The following SAMD8 variants were observed in gnomAD, a reference collection of about 807,000 sequenced individuals.
SAMD8 encodes sterile alpha motif domain containing 8.
In SAMD8, 20 loss-of-function variants were observed where a neutral mutation model predicts 42.0. The observed-to-expected ratio is 0.48, with a 90% CI of 0.34 to 0.69. SAMD8 has a LOEUF of 0.69. Ranked by LOEUF, SAMD8 falls within the 30% of genes least tolerant of loss-of-function variation. The probability of loss-of-function intolerance (pLI) is 0.01; values close to 1 mark genes in which losing one functional copy is unlikely to be tolerated. For synonymous variants in SAMD8, 162 were observed against 173.0 expected (o/e 0.94, Z 0.50); for missense variants, 328 against 511.6 (o/e 0.64, Z 3.46).
At chr10:75,118,007 G>T (rs1180555513) in intron 1 of SAMD8, among the ~76,000 whole-genome samples, 1 of 151,722 alleles carries the variant, frequency 6.6e-6, no homozygotes, top group Admixed American at 6.6e-5. Flanking sequence ...CCTGATAGTA[G>T]AAGTTAGTTT....
intron 1 of SAMD8, among the ~76,000 whole-genome samples, chr10:75,102,615 C>T (rs544417696): frequency 6.6e-6 from 1 of 151,558 alleles, no homozygotes; most frequent in African/African-American, 2.4e-5. Context: ...CAAGACCAGT[C>T]TAGGCAATAT....
rs1327582446 is a variant in SAMD8, at chr10:75,177,348, A to G, written c.*656A>G. 1 of 152,210 alleles carries G rather than the reference A, an allele frequency of 6.6e-6. No homozygotes were observed. Among genetic ancestry groups the G allele is most frequent in the African/African-American group, 2.4e-5 (1 of 41,450 alleles). 9.4% of individuals were successfully genotyped at this position (152,210 alleles called of 1,614,324 possible). On this transcript the variant is annotated 3_prime_UTR_variant, in exon 6 of 6. Transcript: ENST00000542569. ...ATTAATGCAAATGTAGGGCTGGCAT[A>G]TTTCACCAAAGATGCAACAAAAGAT... is the stretch of plus-strand genomic sequence containing the variant.
intron 1 of SAMD8, among the ~76,000 whole-genome samples, chr10:75,126,437 C>T (rs1442248942): frequency 6.6e-6 from 1 of 150,426 alleles, no homozygotes; most frequent in Non-Finnish European, 1.5e-5. Flanking sequence ...TAATACCCTT[C>T]ATATAGTATG....
At chr10:75,164,782 C>T in intron 3 of SAMD8, 42 bp downstream of exon 3, 1 of 1,355,694 alleles carries the variant, frequency 7.4e-7, no homozygotes, top group Non-Finnish European at 1.1e-6. Context: ...TGTTTTGACT[C>T]CTGTATCAAG....
chr10:75,146,460 A>G (rs1477033941), intron 1 of SAMD8, among the ~76,000 whole-genome samples: 1 of 151,140 alleles, frequency 6.6e-6, no homozygotes, highest in Non-Finnish European at 1.5e-5. Flanking sequence ...AATTTTTTGT[A>G]TTTTTGGTAG....
At chr10:75,110,172 G>C (rs563031377), upstream of SAMD8, among the ~76,000 whole-genome samples, 1 of 152,292 alleles carries the variant, frequency 6.6e-6, no homozygotes, top group Admixed American at 6.5e-5. Context: ...CTTCTCAGAA[G>C]AGAAGGCTGA....
chr10:75,131,366 A>G lies in SAMD8; in HGVS notation c.-15-19148A>G, dbSNP rs145898673. The stretch of plus-strand genomic sequence containing the variant: ...GATTTGATGTTGGCTTGTTGCCTCT[A>G]CTAATTACTACATAATACAGTTGAA... On this transcript the variant is annotated intron_variant, in intron 1 of 5. Coordinates refer to ENST00000542569, the MANE Select transcript of SAMD8 (RefSeq NM_001174156.2). Among the ~76,000 whole-genome samples, 255 of 152,322 alleles carry G rather than the reference A, an allele frequency of 1.7e-3. 3 individuals carry two copies. The East Asian group carries it at 0.023, about 14-fold the overall frequency.
At chr10:75,101,687 C>T (rs900279039) in intron 1 of SAMD8, among the ~76,000 whole-genome samples, 22 of 152,154 alleles carry the variant, frequency 1.4e-4, no homozygotes, top group African/African-American at 5.1e-4. Context: ...AGTCAGGATT[C>T]AAACCCAGGT....
chr10:75,150,378 TC>T (rs1421681370), intron 1 of SAMD8, 135 bp from the exon 2 acceptor site: 3 of 1,393,164 alleles, frequency 2.2e-6, no homozygotes, highest in Non-Finnish European at 2.8e-6. Context: ...CAACTCAGCC[TC>T]CCAAAGTGCT....
intron 1 of SAMD8, among the ~76,000 whole-genome samples, chr10:75,119,631 C>T (rs139141349): frequency 3.3e-4 from 51 of 152,312 alleles, no homozygotes; most frequent in African/African-American, 1.0e-3. Flanking sequence ...TGCACACACA[C>T]GTGCGCACAC....
chr10:75,108,147 G>A (rs1848630691), upstream of SAMD8: 1 of 1,612,964 alleles, frequency 6.2e-7, no homozygotes, highest in African/African-American at 1.3e-5. Context: ...GCCCTTGTGG[G>A]CGGCGTTCAG....
chr10:75,107,980 C>G, upstream of SAMD8: 1 of 1,605,894 alleles, frequency 6.2e-7, no homozygotes, highest in African/African-American at 1.3e-5. Flanking sequence ...GGGCTTGGAC[C>G]CCAAGTCCTA....
chr10:75,141,037 G>A (rs993415546), intron 1 of SAMD8, among the ~76,000 whole-genome samples: 4 of 151,974 alleles, frequency 2.6e-5, no homozygotes, highest in African/African-American at 9.7e-5. Context: ...ATTGTTTGTT[G>A]CTAGTATATG....
Position 75,181,179 on chromosome 10 carries a change from T to C in SAMD8, c.*4487T>C, listed in dbSNP as rs918613912. ...GTACTGGTTTCATTTAGACAGTTTC[T>C]AAGCCAGCAAAGGTGTCAATTTTAA... On this transcript the variant is annotated 3_prime_UTR_variant, in exon 6 of 6. Transcript: ENST00000542569. The C allele has an allele frequency of 2.6e-5, 4 of 152,218 alleles. No homozygotes were observed. The highest frequency in any genetic ancestry group is 9.6e-5 in the African/African-American group (4 of 41,462). 9.4% of individuals were successfully genotyped at this position (152,218 alleles called of 1,614,324 possible).
upstream of SAMD8, among the ~76,000 whole-genome samples, chr10:75,109,585 G>C (rs1216727502): frequency 6.6e-6 from 1 of 152,142 alleles, no homozygotes; most frequent in Non-Finnish European, 1.5e-5. Context: ...GGGTGCAGAG[G>C]AGGTGGCTGG....
intron 1 of SAMD8, chr10:75,105,598 GCCTAGGCCCTCA>G (rs1031008012): frequency 2.5e-5 from 36 of 1,436,454 alleles, no homozygotes; most frequent in Admixed American, 4.0e-5. Context: ...TATGTCTGCA[GCCTAGGCCCTCA>G]CCTGGCCTCT....
At chr10:75,160,233 G>A (rs1177194219) in intron 2 of SAMD8, among the ~76,000 whole-genome samples, 1 of 151,718 alleles carries the variant, frequency 6.6e-6, no homozygotes, top group Non-Finnish European at 1.5e-5. Flanking sequence ...GTCTTGCTCT[G>A]TCGCCCAGGC....
At chr10:75,150,456 A>C in intron 1 of SAMD8, 58 bp from the exon 2 acceptor site, 1 of 1,532,352 alleles carries the variant, frequency 6.5e-7, no homozygotes. Flanking sequence ...TTTGTCTTTG[A>C]AGAAATTGTT....
In SAMD8 at chr10:75,176,226, T is replaced by C; in HGVS notation, c.943+10T>C. On this transcript the variant is annotated intron_variant, in intron 5 of 5. Transcript: ENST00000542569. This position sits in a 1 kb window ranked among gnomAD's most constrained non-coding sequence, Gnocchi z 4.3. ...TTCTTTGTCACCGAATGTAAGTATC[T>C]TTTTAGTGCTTCTATGCGTATTAGG... 6.2e-7 allele frequency: 1 copy of C among 1,614,206 alleles called. No homozygotes were observed. The highest frequency in any genetic ancestry group is 8.5e-7 in the Non-Finnish European group (1 of 1,180,012).
Sources: gnomAD v4.1 joint callset for allele counts (sites outside exome capture counted in the v4.1 genomes callset) on GRCh38, gnomAD v4.1.1 for gene constraint, Gnocchi (gnomAD v3.1) non-coding constraint, MANE v1.5 for transcripts, NCBI Gene and HGNC (gene_info 2026-07-23, HGNC 2026-07-21) for gene names.